Variants in BORCS5 observed in about 807,000 individuals in gnomAD.
BORCS5 encodes BLOC-1-related complex subunit 5.
A neutral mutation model predicts 22.1 loss-of-function variants in BORCS5; 17 were observed. That is an observed-to-expected ratio of 0.77 (90% confidence interval 0.53 to 1.15). The LOEUF is 1.15. Ranked by LOEUF, BORCS5 falls within the 50% of genes most tolerant of loss-of-function variation. The probability of loss-of-function intolerance (pLI) is 0.00; values close to 1 mark genes in which losing one functional copy is unlikely to be tolerated. For missense variants in BORCS5, 247 were observed against 253.2 expected, an observed-to-expected ratio of 0.98 and a Z score of 0.17; for synonymous variants, 117 against 99.8, an observed-to-expected ratio of 1.17 and a Z score of -1.03.
chr12:12,389,057 C>T (rs1863942780), intron 2 of BORCS5, among the ~76,000 whole-genome samples: 1 of 150,366 alleles, frequency 6.7e-6, no homozygotes, highest in Non-Finnish European at 1.5e-5. Context: ...GAGGCAAATA[C>T]TATGGGTTCA....
intron 2 of BORCS5, among the ~76,000 whole-genome samples, chr12:12,404,129 GAT>G (rs1048272352): frequency 2.0e-5 from 3 of 152,172 alleles, no homozygotes; most frequent in Non-Finnish European, 2.9e-5. Flanking sequence ...TATTTGGAGA[GAT>G]GTGAACAGAA....
intron 3 of BORCS5, among the ~76,000 whole-genome samples, chr12:12,462,681 G>T (rs1458790815): frequency 8.7e-6 from 1 of 115,210 alleles, no homozygotes; most frequent in Non-Finnish European, 1.9e-5. Context: ...TTTGGAGATG[G>T]AGTCTCGCTC....
chr12:12,367,201 G>A (rs780295344), intron 2 of BORCS5, among the ~76,000 whole-genome samples: 12 of 152,228 alleles, frequency 7.9e-5, no homozygotes, highest in African/African-American at 1.7e-4. Flanking sequence ...GAAAAAGGGC[G>A]ATAAGGAGAG....
intron 2 of BORCS5, among the ~76,000 whole-genome samples, chr12:12,364,793 C>T (rs1185413343): frequency 6.6e-6 from 1 of 152,136 alleles, no homozygotes; most frequent in Admixed American, 6.6e-5. Flanking sequence ...ATGGCAAAAC[C>T]CTGTCTCTAC....
chr12:12,440,141 A>G (rs549333856), intron 3 of BORCS5, among the ~76,000 whole-genome samples: 35 of 152,364 alleles, frequency 2.3e-4, no homozygotes, highest in African/African-American at 7.0e-4. Flanking sequence ...TCAAAGGGAA[A>G]CATGGCTATA....
chr12:12,373,463 T>C (rs142200163), intron 2 of BORCS5, among the ~76,000 whole-genome samples: 23 of 152,366 alleles, frequency 1.5e-4, no homozygotes, highest in African/African-American at 4.3e-4. Flanking sequence ...CTGCCTGTTA[T>C]ACAGTATCGG....
chr12:12,412,895 G>GTTT (rs1268172271), intron 2 of BORCS5, among the ~76,000 whole-genome samples: 2 of 98,536 alleles, frequency 2.0e-5, no homozygotes, highest in Admixed American at 1.2e-4. Flanking sequence ...TGATTTTGTG[G>GTTT]TTTTCTTTTT....
At chr12:12,437,519 G>A (rs888981657) in intron 3 of BORCS5, among the ~76,000 whole-genome samples, 3 of 152,158 alleles carry the variant, frequency 2.0e-5, no homozygotes, top group Non-Finnish European at 2.9e-5. Context: ...TCTAAAATAA[G>A]TTCTACAAAA....
chr12:12,420,992 C>G (rs1942105119), intron 2 of BORCS5, among the ~76,000 whole-genome samples: 1 of 152,192 alleles, frequency 6.6e-6, no homozygotes, highest in East Asian at 1.9e-4. Flanking sequence ...ATGTCATCTG[C>G]AAACAGGGAC....
rs1019597092 is a variant in BORCS5 at position 12,466,666 on chromosome 12, A to G, written c.*890A>G. 2 of 152,238 alleles carry G rather than the reference A, an allele frequency of 1.3e-5. No homozygotes were observed. The highest frequency in any genetic ancestry group is 4.8e-5 in the African/African-American group (2 of 41,448). The allele number at this position is 152,238 out of a possible 1,614,324, so 9.4% of individuals were successfully genotyped here. A position where few individuals can be genotyped will look rare whatever the true frequency, so the allele number is the denominator to read the frequency against. ...AAAAGTGCTTAGTGTCGTACTTTAC[A>G]CATCATAGGTGTTCTAATGGAAGCA... is the stretch of plus-strand genomic sequence containing the variant. On this transcript the variant is annotated 3_prime_UTR_variant, in exon 4 of 4. Coordinates refer to ENST00000314565, the MANE Select transcript of BORCS5 (RefSeq NM_058169.6).
At chr12:12,363,247 T>C (rs1482753267) in intron 2 of BORCS5, among the ~76,000 whole-genome samples, 1 of 150,932 alleles carries the variant, frequency 6.6e-6, no homozygotes, top group African/African-American at 2.4e-5. Flanking sequence ...CAGTGAGCAG[T>C]AGTCATGTCA....
intron 2 of BORCS5, among the ~76,000 whole-genome samples, chr12:12,431,175 C>G (rs111594828): frequency 2.6e-5 from 4 of 152,288 alleles, no homozygotes; most frequent in African/African-American, 9.6e-5. Flanking sequence ...TAACAACTTA[C>G]ACACTAAGCA....
At chr12:12,411,834 C>T (rs1002892688) in intron 2 of BORCS5, among the ~76,000 whole-genome samples, 4 of 152,164 alleles carry the variant, frequency 2.6e-5, no homozygotes, top group African/African-American at 9.7e-5. Flanking sequence ...GGTCCAACCT[C>T]ATTCTTTTGC....
At chr12:12,454,531 G>A (rs372824158) in intron 3 of BORCS5, among the ~76,000 whole-genome samples, 2 of 152,218 alleles carry the variant, frequency 1.3e-5, no homozygotes, top group Non-Finnish European at 2.9e-5. Context: ...CCTAGGGACA[G>A]TACTGATTTA....
chr12:12,418,619 C>T lies in BORCS5; in HGVS notation c.203-17009C>T, dbSNP rs542748592. Among the ~76,000 whole-genome samples, 15 of 152,196 alleles carry T rather than the reference C, an allele frequency of 9.9e-5. No homozygotes were observed. The East Asian group carries it at 2.3e-3, about 24-fold the overall frequency. On this transcript the variant is annotated intron_variant, in intron 2 of 3. Coordinates refer to ENST00000314565, the MANE Select transcript of BORCS5 (RefSeq NM_058169.6). ...GGAGGATTGTTTGAGCCCAGGAATT[C>T]GAAGATACAGTGAGCTATCATCATG...
intron 3 of BORCS5, among the ~76,000 whole-genome samples, chr12:12,452,926 G>A (rs114868400): frequency 0.024 from 3,674 of 152,230 alleles, 157 homozygotes; most frequent in African/African-American, 0.082. Flanking sequence ...TGGTCTGGTG[G>A]GGATAGAGGT....
At chr12:12,417,969 C>T (rs2136099896) in intron 2 of BORCS5, among the ~76,000 whole-genome samples, 1 of 147,406 alleles carries the variant, frequency 6.8e-6, no homozygotes, top group South Asian at 2.2e-4. Context: ...TTTTTTTTAT[C>T]TTCTTGCTAT....
chr12:12,391,904 G>A (rs1555147722), intron 2 of BORCS5, among the ~76,000 whole-genome samples: 9 of 126,384 alleles, frequency 7.1e-5, no homozygotes, highest in African/African-American at 2.7e-4. Context: ...AATTTAGGCA[G>A]GCATGGGGGT....
At chr12:12,405,631 A>G (rs1306184952) in intron 2 of BORCS5, among the ~76,000 whole-genome samples, 1 of 152,230 alleles carries the variant, frequency 6.6e-6, no homozygotes, top group Non-Finnish European at 1.5e-5. Flanking sequence ...CATTAATATT[A>G]GGCATTATTT....
Sources: allele counts gnomAD v4.1 joint callset (sites outside exome capture counted in the v4.1 genomes callset), GRCh38; gene constraint gnomAD v4.1.1; transcripts MANE v1.5; gene names NCBI Gene and HGNC (gene_info 2026-07-23, HGNC 2026-07-21).